SLC25A21: variants seen among roughly 807,000 people sequenced by gnomAD.
SLC25A21 encodes solute carrier family 25 member 21.
Under a neutral mutation model 43.8 loss-of-function variants are expected in SLC25A21, and 47 were observed. That is an observed-to-expected ratio of 1.07 (90% CI 0.85 to 1.37). The LOEUF (loss-of-function observed/expected upper bound fraction) is 1.37. Ranked by LOEUF, SLC25A21 falls within the 40% of genes most tolerant of loss-of-function variation. The pLI is 0.00. For missense variants in SLC25A21, 352 were observed against 350.2 expected, an observed-to-expected ratio of 1.00 and a Z score of -0.04; for synonymous variants, 131 against 121.3, an observed-to-expected ratio of 1.08 and a Z score of -0.52.
At chr14:37,083,591 A>T (rs1962428424) in intron 1 of SLC25A21, among the ~76,000 whole-genome samples, 1 of 152,208 alleles carries the variant, frequency 6.6e-6, no homozygotes, top group South Asian at 2.1e-4. Context: ...CCCAGTCAAT[A>T]ACCACGAAAG....
chr14:36,722,827 C>T (rs1884430179), intron 6 of SLC25A21, among the ~76,000 whole-genome samples: 1 of 152,082 alleles, frequency 6.6e-6, no homozygotes, highest in Admixed American at 6.6e-5. Context: ...TACTTTTATG[C>T]TTGGATTAAT....
chr14:37,037,973 T>G (rs1961364790), intron 1 of SLC25A21, among the ~76,000 whole-genome samples: 1 of 152,224 alleles, frequency 6.6e-6, no homozygotes, highest in Admixed American at 6.5e-5. Context: ...TGTTCTTTTG[T>G]TCTTTCCTTT....
At chr14:36,796,926 C>CA (rs1233712359) in intron 3 of SLC25A21, among the ~76,000 whole-genome samples, 1 of 152,196 alleles carries the variant, frequency 6.6e-6, no homozygotes, top group African/African-American at 2.4e-5. Flanking sequence ...TCTAACTCTG[C>CA]AACCACTCCT....
At chr14:37,084,127 G>T (rs1388772157) in intron 1 of SLC25A21, among the ~76,000 whole-genome samples, 2 of 152,070 alleles carry the variant, frequency 1.3e-5, no homozygotes, top group African/African-American at 4.8e-5. Flanking sequence ...ATCCTGTGGT[G>T]GTCCCAGCTA....
chr14:37,042,549 T>C (rs1281082832), intron 1 of SLC25A21, among the ~76,000 whole-genome samples: 10 of 152,210 alleles, frequency 6.6e-5, no homozygotes, highest in African/African-American at 1.2e-4. Context: ...TCTTTAGATA[T>C]AACTTGATTT....
intron 1 of SLC25A21, among the ~76,000 whole-genome samples, chr14:36,878,707 TA>T (rs1890620449): frequency 6.6e-6 from 1 of 152,164 alleles, no homozygotes; most frequent in Non-Finnish European, 1.5e-5. Flanking sequence ...CTCATAAAAT[TA>T]AAAATCTAAC....
At chr14:36,900,853 C>T (rs967148519) in intron 1 of SLC25A21, among the ~76,000 whole-genome samples, 1 of 152,080 alleles carries the variant, frequency 6.6e-6, no homozygotes, top group African/African-American at 2.4e-5. Flanking sequence ...TGCAATAGGG[C>T]ATTTTGATTA....
At chr14:36,995,640 TA>T (rs1431636203) in intron 1 of SLC25A21, among the ~76,000 whole-genome samples, 4 of 152,192 alleles carry the variant, frequency 2.6e-5, no homozygotes, top group Non-Finnish European at 4.4e-5. Context: ...GTTAAAAATG[TA>T]AGTCACACAC....
intron 1 of SLC25A21, among the ~76,000 whole-genome samples, chr14:37,054,539 C>T (rs1470283997): frequency 6.6e-6 from 1 of 152,044 alleles, no homozygotes; most frequent in African/African-American, 2.4e-5. Context: ...AGCTTTGACA[C>T]TAGGTAGTGG....
At chr14:37,077,624 C>G (rs1244408022) in intron 1 of SLC25A21, among the ~76,000 whole-genome samples, 1 of 152,160 alleles carries the variant, frequency 6.6e-6, no homozygotes, top group Non-Finnish European at 1.5e-5. Flanking sequence ...TACTACCCTA[C>G]ACTGGGTAAT....
intron 3 of SLC25A21, among the ~76,000 whole-genome samples, chr14:36,776,995 C>A (rs762718260): frequency 4.6e-5 from 7 of 152,180 alleles, no homozygotes; most frequent in African/African-American, 7.2e-5. Flanking sequence ...CGCAGTGGCT[C>A]ACGCCTGTAA....
intron 3 of SLC25A21, among the ~76,000 whole-genome samples, chr14:36,788,277 T>C (rs568523210): frequency 1.5e-4 from 22 of 151,432 alleles, no homozygotes; most frequent in Middle Eastern, 3.2e-3. Context: ...TTGGAGGAGA[T>C]TGGCACTGAA....
intron 1 of SLC25A21, among the ~76,000 whole-genome samples, chr14:37,121,924 T>A (rs532237296): frequency 1.3e-5 from 2 of 151,962 alleles, no homozygotes; most frequent in South Asian, 4.2e-4. Context: ...CTCGTGAGAG[T>A]CCTTCATCAA....
At chr14:36,813,407 C>T (rs1047647333) in intron 3 of SLC25A21, among the ~76,000 whole-genome samples, 18 of 151,830 alleles carry the variant, frequency 1.2e-4, no homozygotes, top group African/African-American at 3.4e-4. Context: ...TCACCCAGGC[C>T]GGAGTGCAGT....
chr14:36,965,601 C>T (rs1185832218), intron 1 of SLC25A21, among the ~76,000 whole-genome samples: 1 of 152,052 alleles, frequency 6.6e-6, no homozygotes, highest in Admixed American at 6.6e-5. Flanking sequence ...CAAATAAGAA[C>T]TATAGCATTC....
chr14:36,758,996 G>A (rs976847269), intron 3 of SLC25A21, among the ~76,000 whole-genome samples: 3 of 152,156 alleles, frequency 2.0e-5, no homozygotes, highest in African/African-American at 7.2e-5. Flanking sequence ...AGAGACACAT[G>A]GGCATTTTCG....
At chr14:36,776,225 T>C (rs1449833162) in intron 3 of SLC25A21, among the ~76,000 whole-genome samples, 1 of 54,000 alleles carries the variant, frequency 1.9e-5, no homozygotes, top group African/African-American at 5.8e-5. Context: ...TTTTTCTTTT[T>C]CTTTCTTTCT....
chr14:37,098,786 CAGAT>C (rs1407209801), intron 1 of SLC25A21, among the ~76,000 whole-genome samples: 17 of 139,210 alleles, frequency 1.2e-4, no homozygotes, highest in African/African-American at 4.7e-4. Flanking sequence ...GACAGACAGA[CAGAT>C]AGATAGATAG....
At chr14:37,158,820 G>A (rs1255650340) in intron 1 of SLC25A21, among the ~76,000 whole-genome samples, 4 of 151,984 alleles carry the variant, frequency 2.6e-5, no homozygotes, top group African/African-American at 7.2e-5. Context: ...ATATAATCTT[G>A]TATCTAGAAA....
Sources: allele counts gnomAD v4.1 joint callset (sites outside exome capture counted in the v4.1 genomes callset), GRCh38; gene constraint gnomAD v4.1.1; transcripts MANE v1.5; gene names NCBI Gene and HGNC (gene_info 2026-07-23, HGNC 2026-07-21).